The following ARK2C variants were observed in gnomAD, a reference collection of about 807,000 sequenced individuals.
The protein encoded by ARK2C is E3 ubiquitin-protein ligase ARK2C.
At chr18:46,404,018 C>G in the ARK2C span, among the ~76,000 whole-genome samples, 242 of 152,326 alleles carry the variant, frequency 1.6e-3, 4 homozygotes, top group South Asian at 0.014. Flanking sequence ...CTCTTTCCCC[C>G]CTTTCTCTTT....
At chr18:46,334,390 GGGGCGGGGGCGGGCGCCGC>G in the ARK2C span, 1 of 1,508,090 alleles carries the variant, frequency 6.6e-7, no homozygotes, top group Non-Finnish European at 8.9e-7. The surrounding 1 kb of genome is among the most constrained non-coding windows in gnomAD (Gnocchi z 4.4). Context: ...CGCAGGCACC[GGGGCGGGGGCGGGCGCCGC>G]GGGCGGCCGG....
the ARK2C span, chr18:46,337,078 G>A: frequency 1.0e-6 from 1 of 985,340 alleles, no homozygotes; most frequent in Non-Finnish European, 1.2e-6. Context: ...CCCTTCTGCT[G>A]CTCGCCAGCC....
the ARK2C span, chr18:46,456,456 C>T: frequency 1.6e-6 from 2 of 1,215,196 alleles, no homozygotes; most frequent in Non-Finnish European, 1.2e-6. Flanking sequence ...AGGTGTGTGT[C>T]CCTGCTCCGC....
chr18:46,447,438 A>T, the ARK2C span: 10 of 999,358 alleles, frequency 1.0e-5, no homozygotes, highest in Non-Finnish European at 1.5e-5. Flanking sequence ...GGGAGATGTA[A>T]AGTTCCTTGC....
the ARK2C span, among the ~76,000 whole-genome samples, chr18:46,393,840 A>T: frequency 1.3e-5 from 2 of 152,256 alleles, no homozygotes; most frequent in African/African-American, 4.8e-5. Context: ...GGAGTCTGAC[A>T]GACCTGGGTT....
the ARK2C span, among the ~76,000 whole-genome samples, chr18:46,454,920 T>C: frequency 6.6e-6 from 1 of 152,186 alleles, no homozygotes; most frequent in Non-Finnish European, 1.5e-5. Context: ...TGACCAAGTA[T>C]GGGGTGGTAC....
chr18:46,460,205 A>G, the ARK2C span: 3 of 152,550 alleles, frequency 2.0e-5, no homozygotes, highest in Non-Finnish European at 4.4e-5. Flanking sequence ...AAAGCACCAG[A>G]CTTTTTTTCT....
the ARK2C span, among the ~76,000 whole-genome samples, chr18:46,402,401 A>G: frequency 5.3e-5 from 8 of 152,268 alleles, no homozygotes; most frequent in African/African-American, 1.9e-4. Flanking sequence ...TTAATTTCAG[A>G]TAAAATGAAC....
chr18:46,400,367 A>T, the ARK2C span, among the ~76,000 whole-genome samples: 5 of 152,234 alleles, frequency 3.3e-5, no homozygotes, highest in African/African-American at 1.2e-4. Flanking sequence ...GACACCTGGC[A>T]GGTTCCCAGT....
the ARK2C span, among the ~76,000 whole-genome samples, chr18:46,439,658 T>TG: frequency 6.6e-6 from 1 of 152,158 alleles, no homozygotes; most frequent in East Asian, 1.9e-4. Context: ...AGGTAAAACT[T>TG]GGAGATAGTG....
chr18:46,426,910 G>C, the ARK2C span, among the ~76,000 whole-genome samples: 2 of 152,324 alleles, frequency 1.3e-5, no homozygotes, highest in Admixed American at 1.3e-4. Context: ...TCTATTAATG[G>C]GGTATTTGGG....
chr18:46,366,468 C>T, the ARK2C span, among the ~76,000 whole-genome samples: 1 of 152,136 alleles, frequency 6.6e-6, no homozygotes, highest in Non-Finnish European at 1.5e-5. Context: ...CCAAATACTG[C>T]ACTCAGATAC....
At chr18:46,419,320 C>T in the ARK2C span, among the ~76,000 whole-genome samples, 1 of 152,160 alleles carries the variant, frequency 6.6e-6, no homozygotes, top group African/African-American at 2.4e-5. Context: ...CTAGGCCAGA[C>T]CTCAGGGAGG....
the ARK2C span, among the ~76,000 whole-genome samples, chr18:46,345,796 C>T: frequency 9.8e-5 from 15 of 152,336 alleles, no homozygotes; most frequent in South Asian, 1.5e-3. Context: ...GCAGGTCAGT[C>T]CAGGCTGTGC....
chr18:46,385,491 C>T, the ARK2C span, among the ~76,000 whole-genome samples: 2 of 152,346 alleles, frequency 1.3e-5, no homozygotes, highest in East Asian at 3.9e-4. Context: ...TAGCGTGGCT[C>T]TACTGACTCT....
chr18:46,435,444 A>G, the ARK2C span: 1 of 1,412,056 alleles, frequency 7.1e-7, no homozygotes, highest in Non-Finnish European at 1.0e-6. Context: ...GGGAGGGAGG[A>G]GGGAGGTCTT....
the ARK2C span, among the ~76,000 whole-genome samples, chr18:46,356,725 C>T: frequency 6.6e-6 from 1 of 152,200 alleles, no homozygotes; most frequent in Non-Finnish European, 1.5e-5. Flanking sequence ...CAGGGCTCCA[C>T]CTCCCCAAAG....
chr18:46,450,816 G>A, the ARK2C span: 1 of 1,592,380 alleles, frequency 6.3e-7, no homozygotes, highest in Non-Finnish European at 8.6e-7. Flanking sequence ...CTGCCAGCAG[G>A]CCAGCCTGCA....
chr18:46,334,388 C>A, the ARK2C span: 1 of 1,532,564 alleles, frequency 6.5e-7, no homozygotes, highest in Non-Finnish European at 8.8e-7. This position sits in a 1 kb window ranked among gnomAD's most constrained non-coding sequence, Gnocchi z 4.4. Flanking sequence ...GCCGCAGGCA[C>A]CGGGGCGGGG....
Sources: gnomAD v4.1 joint callset for allele counts (sites outside exome capture counted in the v4.1 genomes callset) on GRCh38, gnomAD v4.1.1 for gene constraint, Gnocchi (gnomAD v3.1) non-coding constraint, MANE v1.5 for transcripts, NCBI Gene and HGNC (gene_info 2026-07-23, HGNC 2026-07-21) for gene names.